Variants in DRD3 observed in about 807,000 individuals in gnomAD.
The protein encoded by DRD3 is dopamine receptor D3.
Under a neutral mutation model 36.3 loss-of-function variants are expected in DRD3, and 19 were observed. The ratio of observed to expected loss-of-function variants is 0.52; its 90% CI spans 0.36 to 0.77. DRD3 has a LOEUF of 0.77. DRD3 is among the 30% of genes least tolerant of loss of function. The pLI is 0.00. For missense variants in DRD3, 465 were observed against 505.3 expected (o/e 0.92, Z 0.77); for synonymous variants, 195 against 203.7 (o/e 0.96, Z 0.36).
intron 2 of DRD3, among the ~76,000 whole-genome samples, chr3:114,163,588 A>G (rs968724607): frequency 6.6e-6 from 1 of 152,166 alleles, no homozygotes; most frequent in African/African-American, 2.4e-5. Flanking sequence ...CTCTTCAGAG[A>G]TGTGTACAAT....
At chr3:114,159,271 C>T (rs1453995158) in intron 3 of DRD3, among the ~76,000 whole-genome samples, 1 of 151,646 alleles carries the variant, frequency 6.6e-6, no homozygotes, top group Non-Finnish European at 1.5e-5. Flanking sequence ...TGCCTTTCTC[C>T]CCCACTTCTC....
chr3:114,151,591 C>T (rs1205547625), intron 3 of DRD3, among the ~76,000 whole-genome samples: 2 of 152,208 alleles, frequency 1.3e-5, no homozygotes, highest in Non-Finnish European at 2.9e-5. Flanking sequence ...CAGCAGACCA[C>T]TGAGAGTTAT....
At chr3:114,142,063 A>G (rs996758730) in intron 4 of DRD3, among the ~76,000 whole-genome samples, 3 of 151,370 alleles carry the variant, frequency 2.0e-5, no homozygotes, top group South Asian at 2.1e-4. Context: ...AAAAAAAAAA[A>G]AAAAAAAAAG....
intron 3 of DRD3, among the ~76,000 whole-genome samples, chr3:114,153,461 T>C (rs1315363199): frequency 6.6e-6 from 1 of 152,190 alleles, no homozygotes; most frequent in Non-Finnish European, 1.5e-5. Context: ...CCACCAAAAA[T>C]GTACATGACA....
intron 1 of DRD3, among the ~76,000 whole-genome samples, chr3:114,184,541 AC>A (rs2077964813): frequency 6.6e-6 from 1 of 151,914 alleles, no homozygotes; most frequent in African/African-American, 2.4e-5. Context: ...GCTTCAAGTT[AC>A]TGTCTAATGT....
intron 4 of DRD3, among the ~76,000 whole-genome samples, chr3:114,142,013 A>G (rs1262506187): frequency 1.5e-4 from 21 of 135,508 alleles, no homozygotes; most frequent in East Asian, 2.3e-4. Flanking sequence ...GCGCCATTGC[A>G]CTCCAGCCTG....
At chr3:114,173,946 A>T (rs1012024976) in intron 1 of DRD3, among the ~76,000 whole-genome samples, 4 of 152,130 alleles carry the variant, frequency 2.6e-5, no homozygotes, top group Non-Finnish European at 4.4e-5. Context: ...CATGGCTGTC[A>T]TTTTGTACCT....
chr3:114,171,662 A>G (rs1577618841), intron 2 of DRD3, 61 bp downstream of exon 2: 5 of 1,465,618 alleles, frequency 3.4e-6, no homozygotes, highest in Admixed American at 2.4e-5. Flanking sequence ...AAAGGCCAGA[A>G]CTCAGGGAAG....
chr3:114,148,835 C>T (rs576498513), intron 3 of DRD3, among the ~76,000 whole-genome samples: 1 of 152,312 alleles, frequency 6.6e-6, no homozygotes, highest in South Asian at 2.1e-4. Context: ...GCCTCAGCCT[C>T]CCGAGTAGCT....
chr3:114,176,666 G>A (rs898431055), intron 1 of DRD3, among the ~76,000 whole-genome samples: 9 of 151,954 alleles, frequency 5.9e-5, no homozygotes, highest in African/African-American at 1.5e-4. Flanking sequence ...ACTCAACCCA[G>A]AACAAAACGC....
At chr3:114,185,061 C>T (rs1157551895) in intron 1 of DRD3, among the ~76,000 whole-genome samples, 1 of 152,128 alleles carries the variant, frequency 6.6e-6, no homozygotes, top group African/African-American at 2.4e-5. Flanking sequence ...ATTCACTGTC[C>T]TTATATTTCA....
intron 6 of DRD3, among the ~76,000 whole-genome samples, chr3:114,129,359 A>G (rs1002646056): frequency 2.0e-5 from 3 of 152,074 alleles, no homozygotes; most frequent in African/African-American, 7.2e-5. Flanking sequence ...AACAAAACAA[A>G]ACAAAAAAAA....
upstream of DRD3, among the ~76,000 whole-genome samples, chr3:114,179,392 G>A (rs2077933136): frequency 6.6e-6 from 1 of 152,118 alleles, no homozygotes; most frequent in African/African-American, 2.4e-5. Flanking sequence ...CGTATAACTG[G>A]CAATAAGGAT....
At chr3:114,149,907 C>T (rs1393741375) in intron 3 of DRD3, among the ~76,000 whole-genome samples, 1 of 152,200 alleles carries the variant, frequency 6.6e-6, no homozygotes, top group Non-Finnish European at 1.5e-5. Context: ...GATGAGAACA[C>T]AACCCAGTCT....
intron 2 of DRD3, among the ~76,000 whole-genome samples, chr3:114,167,594 C>A (rs976953350): frequency 6.6e-6 from 1 of 152,150 alleles, no homozygotes; most frequent in Non-Finnish European, 1.5e-5. Context: ...AGTGACTGGT[C>A]CCTGTGGGCC....
At chr3:114,187,623 G>A (rs901160234) in intron 1 of DRD3, among the ~76,000 whole-genome samples, 15 of 152,206 alleles carry the variant, frequency 9.9e-5, no homozygotes, top group African/African-American at 3.6e-4. Context: ...CTATTACAAA[G>A]TAGTTGGTTT....
chr3:114,168,971 A>T (rs989225323), intron 2 of DRD3, among the ~76,000 whole-genome samples: 1 of 149,148 alleles, frequency 6.7e-6, no homozygotes, highest in Non-Finnish European at 1.5e-5. Flanking sequence ...TCTCATGTAC[A>T]TCTTATCTTC....
chr3:114,130,921 T>C (rs1158992164), intron 6 of DRD3, among the ~76,000 whole-genome samples, 197 bp downstream of exon 6: 2 of 152,252 alleles, frequency 1.3e-5, no homozygotes, highest in Non-Finnish European at 2.9e-5. Context: ...AGTGGCTTGT[T>C]CAGCTTCATA....
chr3:114,185,969 T>G (rs370901867), intron 1 of DRD3, among the ~76,000 whole-genome samples: 2 of 152,368 alleles, frequency 1.3e-5, no homozygotes, highest in African/African-American at 4.8e-5. Context: ...ATTCTCCCTC[T>G]TCTCCAGGGC....
Sources: gnomAD v4.1 joint callset for allele counts (sites outside exome capture counted in the v4.1 genomes callset) on GRCh38, gnomAD v4.1.1 for gene constraint, MANE v1.5 for transcripts, NCBI Gene and HGNC (gene_info 2026-07-23, HGNC 2026-07-21) for gene names.